The following SLC9A1 variants were observed in gnomAD, a reference collection of about 807,000 sequenced individuals.
The protein encoded by SLC9A1 is sodium/hydrogen exchanger 1.
A neutral mutation model predicts 67.9 loss-of-function variants in SLC9A1; 22 were observed. The ratio of observed to expected loss-of-function variants is 0.32; its 90% CI spans 0.23 to 0.46. The LOEUF (loss-of-function observed/expected upper bound fraction) is 0.46. Among genes scored for constraint, SLC9A1 ranks in the 20% least tolerant of loss-of-function variants. The pLI is 1.00. For synonymous variants in SLC9A1, 421 were observed against 471.8 expected (o/e 0.89, Z 1.40); for missense variants, 686 against 1,094.8 (o/e 0.63, Z 5.27).
chr1:27,102,308 C>G, intron 8 of SLC9A1, 77 bp downstream of exon 8: 1 of 1,498,420 alleles, frequency 6.7e-7, no homozygotes. Flanking sequence ...GACCCCGCCC[C>G]CCAGGTGGCC....
At chr1:27,152,986 A>G (rs551479810) in intron 1 of SLC9A1, among the ~76,000 whole-genome samples, 2 of 152,282 alleles carry the variant, frequency 1.3e-5, no homozygotes, top group Non-Finnish European at 2.9e-5. Context: ...CCCCCTGAAC[A>G]CCACTTTCAG....
chr1:27,128,412 G>A (rs531703724), intron 1 of SLC9A1, among the ~76,000 whole-genome samples: 112 of 152,074 alleles, frequency 7.4e-4, no homozygotes, highest in Non-Finnish European at 1.3e-3. Flanking sequence ...TCCCAGCAGC[G>A]GGGGAGGCCG....
chr1:27,109,873 C>T lies in SLC9A1; in HGVS notation c.814-96G>A, dbSNP rs2083216265. The T allele has an allele frequency of 5.6e-6, 8 of 1,417,976 alleles. No individual in the cohort carries two copies. The highest frequency in any genetic ancestry group is 7.8e-6 in the Non-Finnish European group (8 of 1,029,254). 87.8% of individuals were successfully genotyped at this position (1,417,976 alleles called of 1,614,324 possible). The stretch of plus-strand genomic sequence containing the variant: ...AGGGCAATCCTGTCCCCTCCGTTAA[C>T]CATGGCCACAAGAAGAGGCCACACG... On this transcript the variant is annotated intron_variant, in intron 2 of 11. Coordinates refer to ENST00000263980, the MANE Select transcript of SLC9A1 (RefSeq NM_003047.5). The surrounding 1 kb of genome is among the most constrained non-coding windows in gnomAD (Gnocchi z 5.5).
At chr1:27,119,833 C>T (rs1158560182) in intron 1 of SLC9A1, among the ~76,000 whole-genome samples, 2 of 152,198 alleles carry the variant, frequency 1.3e-5, no homozygotes, top group Non-Finnish European at 2.9e-5. Flanking sequence ...TAAAGAGGCC[C>T]AAAGCAGTTC....
chr1:27,105,736 G>T lies in SLC9A1; in HGVS notation c.1485+149C>A, dbSNP rs777823239. 16 of 735,358 alleles carry T rather than the reference G, an allele frequency of 2.2e-5. No homozygotes were observed. In the African/African-American group the frequency reaches 2.6e-4, roughly 12 times the overall value. 45.6% of individuals were successfully genotyped at this position (735,358 alleles called of 1,614,324 possible). On this transcript the variant is annotated intron_variant, in intron 5 of 11. Coordinates refer to ENST00000263980, the MANE Select transcript of SLC9A1 (RefSeq NM_003047.5). ...GATTGAAGAAACTGAGGCCCAGAAA[G>T]GGGGAGTGGCTCGCCCAAGGTCACA...
intron 1 of SLC9A1, among the ~76,000 whole-genome samples, chr1:27,141,884 C>T (rs1340399805): frequency 6.6e-6 from 1 of 152,170 alleles, no homozygotes; most frequent in East Asian, 1.9e-4. Context: ...GATCTTATTC[C>T]CTGGCTTGAT....
chr1:27,126,737 G>T (rs1373809628), intron 1 of SLC9A1, among the ~76,000 whole-genome samples: 1 of 152,226 alleles, frequency 6.6e-6, no homozygotes, highest in East Asian at 1.9e-4. Context: ...ATAAAGACTT[G>T]TTGAGCTAGC....
chr1:27,128,710 C>T (rs1268929470), intron 1 of SLC9A1, among the ~76,000 whole-genome samples: 1 of 151,284 alleles, frequency 6.6e-6, no homozygotes, highest in Non-Finnish European at 1.5e-5. Flanking sequence ...ATAATCCCAG[C>T]ACTTTGAGAC....
intron 8 of SLC9A1, 100 bp from the exon 9 acceptor site, chr1:27,102,230 G>A: frequency 7.5e-7 from 1 of 1,333,874 alleles, no homozygotes; most frequent in Non-Finnish European, 1.1e-6. Flanking sequence ...GACCCAGGTG[G>A]GCGCCAAAGC....
rs1416221830 is a variant in SLC9A1, at chr1:27,106,620, C to G, written c.1283-533G>C. Among the ~76,000 whole-genome samples, 1 of 152,014 alleles carries G rather than the reference C, an allele frequency of 6.6e-6. No individual in the cohort carries two copies. The highest frequency in any genetic ancestry group is 1.5e-5 in the Non-Finnish European group (1 of 67,994). On this transcript the variant is annotated intron_variant, in intron 4 of 11. Coordinates refer to ENST00000263980, the MANE Select transcript of SLC9A1 (RefSeq NM_003047.5). The surrounding 1 kb of genome is among the most constrained non-coding windows in gnomAD (Gnocchi z 4.3). ...GGCTTGGGGACATGGACCTAACCCT[C>G]AGAGAGGAAGTGAGAGATCCAGGGA... is the stretch of plus-strand genomic sequence containing the variant.
intron 5 of SLC9A1, 32 bp from the exon 6 acceptor site, chr1:27,103,344 T>C: frequency 6.7e-7 from 1 of 1,502,762 alleles, no homozygotes. Context: ...GGCACTCCAG[T>C]TCTGCTACCC....
intron 1 of SLC9A1, among the ~76,000 whole-genome samples, chr1:27,130,835 T>C (rs1203896060): frequency 6.6e-6 from 1 of 152,188 alleles, no homozygotes; most frequent in African/African-American, 2.4e-5. Flanking sequence ...GTTAACTGCT[T>C]CCTGCTGGCA....
At chr1:27,102,926 A>C (rs2083158405) in intron 6 of SLC9A1, 183 bp from the exon 7 acceptor site, 1 of 636,576 alleles carries the variant, frequency 1.6e-6, no homozygotes, top group Non-Finnish European at 2.8e-6. Flanking sequence ...GACTCTGGGT[A>C]TCTCGAAGCC....
At position 27,114,270 on chromosome 1, in the gene SLC9A1, G is replaced by A; in HGVS notation, c.369C>T (p.Pro123=). 1 of 1,609,964 alleles carries A rather than the reference G, an allele frequency of 6.2e-7. No individual in the cohort carries two copies. The highest frequency in any genetic ancestry group is 2.2e-5 in the East Asian group (1 of 44,760). ...TCTCCGGGACGATGCTTGAGATAGT[G>A]GGGATCACATGGAAACCTGCGGAGG... ...CLMKIGFHVI[P]TISSIVPESC... The change falls in exon 2 of 12, where the codon CCC becomes CCT. Residue 123 remains proline (P), a synonymous_variant. Transcript: ENST00000263980. The surrounding 1 kb of genome is among the most constrained non-coding windows in gnomAD (Gnocchi z 5.4).
chr1:27,125,785 G>C (rs571925243), intron 1 of SLC9A1, among the ~76,000 whole-genome samples: 5 of 151,452 alleles, frequency 3.3e-5, no homozygotes, highest in Non-Finnish European at 7.4e-5. Flanking sequence ...AGTAGATGAG[G>C]TTTCACCATG....
chr1:27,147,821 C>A (rs2083499581), intron 1 of SLC9A1, among the ~76,000 whole-genome samples: 1 of 151,904 alleles, frequency 6.6e-6, no homozygotes. Flanking sequence ...ACGGCAAAAC[C>A]CCATCCCTAC....
Position 27,137,488 on chromosome 1 carries a change from C to G in SLC9A1, c.352+16495G>C, listed in dbSNP as rs1394659786. Among the ~76,000 whole-genome samples the G allele has an allele frequency of 1.3e-5, 2 of 152,190 alleles. No individual in the cohort carries two copies. Among genetic ancestry groups the G allele is most frequent in the African/African-American group, 2.4e-5 (1 of 41,434 alleles). On this transcript the variant is annotated intron_variant, in intron 1 of 11. Coordinates refer to ENST00000263980, the MANE Select transcript of SLC9A1 (RefSeq NM_003047.5). The surrounding 1 kb of genome is among the most constrained non-coding windows in gnomAD (Gnocchi z 4.6). ...CAGCATTCTCATTTAACCTCCACAC[C>G]TTTGCACATGGGGACCACAAAGTTG...
At position 27,123,009 on chromosome 1, in the gene SLC9A1, G is replaced by T. The variant is rs560077892; in HGVS notation, c.353-8723C>A. On this transcript the variant is annotated intron_variant, in intron 1 of 11. Coordinates refer to ENST00000263980, the MANE Select transcript of SLC9A1 (RefSeq NM_003047.5). ...GAGGGGGTTACCTGGGGAAGCGGTG[G>T]GGGGCAGCTCAGGGGGTCGGCTTTA... 2.5e-4 allele frequency among the ~76,000 whole-genome samples: 38 copies of T among 152,030 alleles called. No individual in the cohort carries two copies. In the South Asian group the frequency reaches 7.5e-3, roughly 30 times the overall value.
chr1:27,103,544 C>T, intron 5 of SLC9A1: 2 of 560,546 alleles, frequency 3.6e-6, no homozygotes, highest in Admixed American at 3.1e-5. Context: ...GCCAAATGAC[C>T]CCCACACTGG....
Sources: allele counts gnomAD v4.1 joint callset (sites outside exome capture counted in the v4.1 genomes callset), GRCh38; gene constraint gnomAD v4.1.1; non-coding constraint Gnocchi (gnomAD v3.1); transcripts MANE v1.5; gene names NCBI Gene and HGNC (gene_info 2026-07-23, HGNC 2026-07-21).